SCAF4: variants seen among roughly 807,000 people sequenced by gnomAD.
SCAF4 encodes SR-related CTD associated factor 4.
Under a neutral mutation model 129.8 loss-of-function variants are expected in SCAF4, and 25 were observed. That is an observed-to-expected ratio of 0.19 (90% CI 0.14 to 0.27). The LOEUF is 0.27. Ranked by LOEUF, SCAF4 falls within the 10% of genes least tolerant of loss-of-function variation. SCAF4 has a pLI of 1.00. For missense variants in SCAF4, 1,246 were observed against 1,457.1 expected (o/e 0.86, Z 2.36); for synonymous variants, 551 against 497.7 (o/e 1.11, Z -1.43).
At chr21:31,684,440 T>C (rs2050066655) in intron 19 of SCAF4, 1 of 152,672 alleles carries the variant, frequency 6.5e-6, no homozygotes, top group African/African-American at 2.4e-5. Context: ...GATCACAGTA[T>C]TGAAGTTGTG....
At chr21:31,720,054 G>A (rs1231630829) in intron 1 of SCAF4, among the ~76,000 whole-genome samples, 1 of 152,156 alleles carries the variant, frequency 6.6e-6, no homozygotes, top group Admixed American at 6.5e-5. Context: ...CCATGCCAGT[G>A]CTCTCCTTTA....
At chr21:31,726,120 A>C (rs1017080923) in intron 1 of SCAF4, among the ~76,000 whole-genome samples, 17 of 150,460 alleles carry the variant, frequency 1.1e-4, no homozygotes, top group African/African-American at 4.2e-4. Context: ...ATCTCGGCTC[A>C]CTGCAAGCTC....
intron 1 of SCAF4, among the ~76,000 whole-genome samples, chr21:31,708,120 G>A (rs2050711896): frequency 6.6e-6 from 1 of 152,170 alleles, no homozygotes; most frequent in Non-Finnish European, 1.5e-5. Context: ...AGGCGCGGTG[G>A]CTCATGCCTG....
chr21:31,688,505 C>T, intron 15 of SCAF4, 41 bp from the exon 16 acceptor site: 3 of 1,514,424 alleles, frequency 2.0e-6, no homozygotes, highest in Non-Finnish European at 2.7e-6. Context: ...TTACCATTTT[C>T]AGTTTGTAAC....
chr21:31,696,775 A>T (rs1460014245), intron 7 of SCAF4, 25 bp from the exon 8 acceptor site: 2 of 1,572,322 alleles, frequency 1.3e-6, no homozygotes, highest in Non-Finnish European at 1.7e-6. Flanking sequence ...TCAATATTTC[A>T]TTTTAAAATT....
At chr21:31,680,805 G>C (rs536018436) in intron 19 of SCAF4, among the ~76,000 whole-genome samples, 47 of 152,112 alleles carry the variant, frequency 3.1e-4, no homozygotes, top group Non-Finnish European at 5.4e-4. Flanking sequence ...TAAAATTCTA[G>C]ACAGAAACTG....
intron 19 of SCAF4, among the ~76,000 whole-genome samples, chr21:31,683,008 C>A (rs2050031256): frequency 6.6e-6 from 1 of 152,190 alleles, no homozygotes; most frequent in Non-Finnish European, 1.5e-5. Context: ...CATGACTGAA[C>A]TAACATATTG....
intron 1 of SCAF4, among the ~76,000 whole-genome samples, chr21:31,722,784 C>T (rs1339954104): frequency 6.6e-6 from 1 of 151,654 alleles, no homozygotes; most frequent in Admixed American, 6.6e-5. Context: ...GAAACCCCGT[C>T]TCTACTAAAA....
intron 1 of SCAF4, 191 bp from the exon 2 acceptor site, chr21:31,706,548 G>A (rs939538685): frequency 2.5e-5 from 14 of 557,118 alleles, no homozygotes; most frequent in South Asian, 9.5e-5. Flanking sequence ...CCCCACTGCC[G>A]TGATACCCAA....
intron 1 of SCAF4, chr21:31,712,978 T>C (rs1327443660): frequency 8.6e-6 from 4 of 463,166 alleles, no homozygotes; most frequent in Non-Finnish European, 1.1e-5. Flanking sequence ...TCCCCGACTT[T>C]TGTTTCTCTT....
chr21:31,705,435 C>A lies in SCAF4; in HGVS notation c.147G>T (p.Lys49Asn). ...LYKHVVQIVE[K>N]FIKKCKPEYK... is the part of the protein sequence containing the mutation. Reference sequence around the variant, plus strand: ...GAGAGATAGTTACCTTTTTGATGAACTTTTCTACTATTTGAACTACATGCT... The same window carrying A: ...GAGAGATAGTTACCTTTTTGATGAAATTTTCTACTATTTGAACTACATGCT... Residue 49 changes from lysine to asparagine, a missense_variant, in exon 3 of 20, where the codon AAG becomes AAT. Around this residue, in one of 6 missense-constraint regions of SCAF4, gnomAD observed 56 missense variants for 139.4 expected, o/e 0.40. Coordinates refer to ENST00000286835, the MANE Select transcript of SCAF4 (RefSeq NM_020706.2). The A allele has an allele frequency of 7.8e-7, 1 of 1,280,928 alleles. No homozygotes were observed. The highest frequency in any genetic ancestry group is 1.3e-5 in the South Asian group (1 of 74,136). The allele number at this position is 1,280,928 out of a possible 1,614,324, so 79.3% of individuals were successfully genotyped here.
chr21:31,700,678 C>A (rs2050503827), intron 7 of SCAF4: 2 of 340,344 alleles, frequency 5.9e-6, no homozygotes, highest in Non-Finnish European at 1.1e-5. Flanking sequence ...AAATGTTACA[C>A]AGTAATCCCC....
At chr21:31,682,510 C>T (rs1372960229) in intron 19 of SCAF4, among the ~76,000 whole-genome samples, 1 of 152,134 alleles carries the variant, frequency 6.6e-6, no homozygotes, top group Non-Finnish European at 1.5e-5. Flanking sequence ...TATGACATTT[C>T]TTACCTGTAA....
intron 19 of SCAF4, among the ~76,000 whole-genome samples, chr21:31,682,533 CCACT>C (rs2123488846): frequency 6.6e-6 from 1 of 152,326 alleles, no homozygotes; most frequent in South Asian, 2.1e-4. Flanking sequence ...TAAGCACCCA[CCACT>C]CACTAAGTGC....
chr21:31,724,709 C>T (rs2051157632), intron 1 of SCAF4, among the ~76,000 whole-genome samples: 1 of 151,984 alleles, frequency 6.6e-6, no homozygotes, highest in Admixed American at 6.6e-5. Context: ...ACAGTGGCTT[C>T]GTATGTGGTA....
chr21:31,710,577 A>C (rs187674908), intron 1 of SCAF4, among the ~76,000 whole-genome samples: 36 of 152,216 alleles, frequency 2.4e-4, no homozygotes, highest in African/African-American at 7.2e-4. Flanking sequence ...AAACAAAAAA[A>C]CCACAAAACA....
intron 4 of SCAF4, 91 bp downstream of exon 4, chr21:31,703,674 T>C (rs2050587410): frequency 1.5e-6 from 1 of 672,094 alleles, no homozygotes. Context: ...GAAAATCTTA[T>C]CTGGTAATAT....
intron 16 of SCAF4, among the ~76,000 whole-genome samples, 182 bp from the exon 17 acceptor site, chr21:31,685,915 G>C (rs1434352310): frequency 6.6e-6 from 1 of 152,110 alleles, no homozygotes; most frequent in African/African-American, 2.4e-5. Context: ...AGAAATCAAA[G>C]CTGTGGGCCG....
At chr21:31,706,021 G>A (rs910595317) in intron 2 of SCAF4, among the ~76,000 whole-genome samples, 1 of 152,222 alleles carries the variant, frequency 6.6e-6, no homozygotes, top group African/African-American at 2.4e-5. Flanking sequence ...AGTGAGCTGA[G>A]ATCGCACCAC....
Sources: gnomAD v4.1 joint callset for allele counts (sites outside exome capture counted in the v4.1 genomes callset) on GRCh38, gnomAD v4.1.1 for gene constraint, gnomAD v4.1.1 regional missense constraint, MANE v1.5 for transcripts, NCBI Gene and HGNC (gene_info 2026-07-23, HGNC 2026-07-21) for gene names.